Variants in SRP72 observed in about 807,000 individuals in gnomAD.
SRP72 encodes signal recognition particle subunit SRP72.
Under a neutral mutation model 96.3 loss-of-function variants are expected in SRP72, and 49 were observed. The ratio of observed to expected loss-of-function variants is 0.51; its 90% confidence interval spans 0.40 to 0.65. The LOEUF is 0.65. Among genes scored for constraint, SRP72 ranks in the 30% least tolerant of loss-of-function variants. The pLI, the probability that SRP72 is intolerant of heterozygous loss-of-function variation, is 0.00. For synonymous variants in SRP72, 267 were observed against 275.2 expected (o/e 0.97, Z 0.30); for missense variants, 736 against 793.3 (o/e 0.93, Z 0.87).
At chr4:56,495,082 G>A (rs1184771712) in intron 16 of SRP72, among the ~76,000 whole-genome samples, 1 of 152,180 alleles carries the variant, frequency 6.6e-6, no homozygotes, top group East Asian at 1.9e-4. Flanking sequence ...TAGACTTAAT[G>A]TGTGCCACTG....
Position 56,491,447 on chromosome 4 carries a change from C to A in SRP72, c.1519C>A (p.Pro507Thr). The change falls in exon 16 of 19, where the codon CCA becomes ACA. Residue 507 changes from proline (P) to threonine (T), a missense_variant. Pro to Thr is a conservative substitution (Grantham distance 38, BLOSUM62 -1). Coordinates refer to ENST00000642900, the MANE Select transcript of SRP72 (RefSeq NM_006947.4). Reference protein sequence around the residue: ...EKAKALSKHLPSSDSMSLKVD... With the variant: ...EKAKALSKHLTSSDSMSLKVD... The stretch of plus-strand genomic sequence containing the variant: ...CTATCACAGTCTTAGTAAACACTTG[C>A]CATCGTCAGATAGTATGTCTCTAAA... 1 of 1,613,646 alleles carries A rather than the reference C, an allele frequency of 6.2e-7. No homozygotes were observed. Among genetic ancestry groups the A allele is most frequent in the Non-Finnish European group, 8.5e-7 (1 of 1,179,792 alleles).
chr4:56,471,109 A>G (rs1266014059), intron 2 of SRP72, among the ~76,000 whole-genome samples: 1 of 152,182 alleles, frequency 6.6e-6, no homozygotes, highest in African/African-American at 2.4e-5. Flanking sequence ...GCTCAAAAAT[A>G]AATTTTTTGT....
chr4:56,478,754 GA>G, intron 8 of SRP72, 105 bp downstream of exon 8: 2 of 1,171,480 alleles, frequency 1.7e-6, no homozygotes, highest in South Asian at 1.6e-5. Flanking sequence ...TTAACATGAT[GA>G]AAAAAGTCCA....
Position 56,490,806 on chromosome 4 carries a change from C to T in SRP72, c.1502+161C>T, listed in dbSNP as rs17086883. ...AATGAGAATTTATTGATCAGTGTGA[C>T]TGAAAAATGCGGCGATAGATCCAAC... On this transcript the variant is annotated intron_variant, in intron 15 of 18. Transcript: ENST00000642900. 0.33 allele frequency among the ~76,000 whole-genome samples: 49,869 copies of T among 151,916 alleles called. 8,507 individuals carry two copies. The highest frequency in any genetic ancestry group is 0.47 in the East Asian group (2,398 of 5,156).
chr4:56,490,471 C>CA, intron 14 of SRP72, 35 bp downstream of exon 14: 2 of 1,604,382 alleles, frequency 1.2e-6, no homozygotes, highest in Non-Finnish European at 1.7e-6. Flanking sequence ...AGAAATAACA[C>CA]ATTTATTGTT....
intron 16 of SRP72, among the ~76,000 whole-genome samples, chr4:56,492,428 C>A (rs756869085): frequency 6.6e-6 from 1 of 152,126 alleles, no homozygotes; most frequent in Non-Finnish European, 1.5e-5. Context: ...TTAGCAGAGA[C>A]CTACAGTAAA....
chr4:56,484,051 T>TTTTTTTTTTTC (rs1560682047), intron 9 of SRP72, among the ~76,000 whole-genome samples: 5 of 142,716 alleles, frequency 3.5e-5, no homozygotes, highest in African/African-American at 1.3e-4. Context: ...TTTTTTTTTT[T>TTTTTTTTTTTC]GAGATGGAGT....
At chr4:56,469,528 G>A (rs994088610) in intron 1 of SRP72, 125 bp from the exon 2 acceptor site, 3 of 879,328 alleles carry the variant, frequency 3.4e-6, no homozygotes, top group African/African-American at 3.4e-5. Flanking sequence ...CAGTTGTTCT[G>A]ACCAATTATT....
chr4:56,474,268 G>A lies in SRP72; in HGVS notation c.499-12G>A, dbSNP rs767923663. Reference sequence around the variant, plus strand: ...ATATTTAGTATTTAACTGGTATTTTGTCCCCTGACAGGAGAACCTGGGCCT... The same window carrying A: ...ATATTTAGTATTTAACTGGTATTTTATCCCCTGACAGGAGAACCTGGGCCT... On this transcript the variant is annotated splice_polypyrimidine_tract_variant and intron_variant, in intron 4 of 18. Coordinates refer to ENST00000642900, the MANE Select transcript of SRP72 (RefSeq NM_006947.4). 1.2e-6 allele frequency: 2 copies of A among 1,613,634 alleles called. No homozygotes were observed. Among genetic ancestry groups the A allele is most frequent in the Non-Finnish European group, 1.7e-6 (2 of 1,179,808 alleles).
chr4:56,496,176 C>G (rs1721068492), intron 17 of SRP72, among the ~76,000 whole-genome samples: 1 of 152,124 alleles, frequency 6.6e-6, no homozygotes, highest in African/African-American at 2.4e-5. Flanking sequence ...TGGAGCCACC[C>G]AAGTTCCTGA....
rs773901373 is a variant in SRP72 at position 56,467,743 on chromosome 4, G to C, written c.108G>C (p.Lys36Asn). ...CGCGCGCTCTCAAGACCGTCAATAA[G>C]AGTAAGTGTCGGGGTGGGCACTGGG... ...DFTRALKTVN[K>N]ILQINKDDVT... is the part of the protein sequence containing the mutation. The change falls in exon 1 of 19, where the codon AAG (lysine) becomes AAC (asparagine). Residue 36 changes from lysine to asparagine, a missense_variant and splice_region_variant. By Grantham distance (94) the Lys-to-Asn change is moderately conservative. Coordinates refer to ENST00000642900, the MANE Select transcript of SRP72 (RefSeq NM_006947.4). 6.7e-7 allele frequency: 1 copy of C among 1,498,116 alleles called. No homozygotes were observed. The allele number at this position is 1,498,116 out of a possible 1,614,324, so 92.8% of individuals were successfully genotyped here.
chr4:56,473,203 C>A (rs1159096719), intron 3 of SRP72, among the ~76,000 whole-genome samples: 4 of 151,950 alleles, frequency 2.6e-5, no homozygotes, highest in Non-Finnish European at 4.4e-5. Flanking sequence ...TAAAGAAAAT[C>A]ACTTTTCGCA....
At chr4:56,467,854 G>A (rs1432523452) in intron 1 of SRP72, 110 bp downstream of exon 1, 2 of 1,071,074 alleles carry the variant, frequency 1.9e-6, no homozygotes, top group Non-Finnish European at 2.5e-6. Context: ...GGAGACCCCC[G>A]AAACCCCCCC....
At chr4:56,491,131 C>G (rs186993111) in intron 15 of SRP72, among the ~76,000 whole-genome samples, 24 of 152,270 alleles carry the variant, frequency 1.6e-4, no homozygotes, top group Admixed American at 1.2e-3. Context: ...AAGTCATAAA[C>G]TTGATAGTTG....
In SRP72 at chr4:56,500,541, T is replaced by C. The variant is rs1721227575; in HGVS notation, c.1684T>C (p.Leu562=). 1.2e-6 allele frequency: 2 copies of C among 1,611,476 alleles called. No homozygotes were observed. The highest frequency in any genetic ancestry group is 1.7e-6 in the Non-Finnish European group (2 of 1,178,988). ...TCTTTATAATCGTTATGCAGGAAAA[T>C]TGCCTAAGAATTATGACCCAAAAGT... ...KKKKKKKKGK[L]PKNYDPKVTP... The change falls in exon 18 of 19, where the codon TTG becomes CTG. Residue 562 remains leucine (L), a synonymous_variant. Transcript: ENST00000642900.
At chr4:56,467,875 C>G in intron 1 of SRP72, 131 bp downstream of exon 1, 3 of 931,418 alleles carry the variant, frequency 3.2e-6, no homozygotes, top group Non-Finnish European at 4.5e-6. Flanking sequence ...GTCTATTGTC[C>G]GCCCGGCTCG....
chr4:56,485,385 C>T (rs1332824419), intron 10 of SRP72, among the ~76,000 whole-genome samples: 2 of 142,028 alleles, frequency 1.4e-5, no homozygotes, highest in Admixed American at 7.6e-5. Flanking sequence ...GACACCGCCC[C>T]TTCTCTCCCC....
intron 8 of SRP72, among the ~76,000 whole-genome samples, chr4:56,481,155 C>T (rs1160551915): frequency 2.0e-5 from 3 of 152,126 alleles, no homozygotes; most frequent in Non-Finnish European, 4.4e-5. Context: ...ATATGAAAGG[C>T]AGTTTCTTGC....
intron 17 of SRP72, among the ~76,000 whole-genome samples, chr4:56,497,995 G>A (rs1721135717): frequency 6.6e-6 from 1 of 152,064 alleles, no homozygotes; most frequent in South Asian, 2.1e-4. Flanking sequence ...TTTTCTTTGA[G>A]TGGTTTACAT....
Sources: gnomAD v4.1 joint callset for allele counts (sites outside exome capture counted in the v4.1 genomes callset) on GRCh38, gnomAD v4.1.1 for gene constraint, MANE v1.5 for transcripts, NCBI Gene and HGNC (gene_info 2026-07-23, HGNC 2026-07-21) for gene names.